Variants in TMPRSS15 observed in about 807,000 individuals in gnomAD.
TMPRSS15 encodes the protein enteropeptidase.
TMPRSS15 carries 128 observed loss-of-function variants against 125.3 expected under a neutral mutation model. That is an observed-to-expected ratio of 1.02 (90% CI 0.89 to 1.18). The LOEUF is 1.18. Among genes scored for constraint, TMPRSS15 ranks in the 50% most tolerant of loss-of-function variants. The pLI is 0.00. For missense variants in TMPRSS15, 1,283 were observed against 1,212.7 expected, an observed-to-expected ratio of 1.06 and a Z score of -0.86; for synonymous variants, 446 against 423.2, an observed-to-expected ratio of 1.05 and a Z score of -0.66.
intron 8 of TMPRSS15, among the ~76,000 whole-genome samples, chr21:18,356,768 T>C (rs953107775): frequency 4.6e-5 from 7 of 151,906 alleles, no homozygotes; most frequent in Admixed American, 2.0e-4. Flanking sequence ...AATATTTGCC[T>C]ATATTGTTTA....
chr21:18,373,004 T>A (rs572412021), intron 5 of TMPRSS15, among the ~76,000 whole-genome samples: 2 of 152,288 alleles, frequency 1.3e-5, no homozygotes, highest in Middle Eastern at 6.8e-3. Context: ...TTAAAAAAAA[T>A]TTTTAGGCCA....
At chr21:18,303,662 T>C (rs536678960) in intron 18 of TMPRSS15, among the ~76,000 whole-genome samples, 36 of 152,148 alleles carry the variant, frequency 2.4e-4, no homozygotes, top group Non-Finnish European at 4.4e-4. Context: ...GACATTGTCT[T>C]GGGTGAAAAC....
chr21:18,480,218 T>C (rs990849474), intron 1 of TMPRSS15, among the ~76,000 whole-genome samples: 2 of 151,918 alleles, frequency 1.3e-5, no homozygotes, highest in African/African-American at 4.8e-5. Context: ...AATAATATGA[T>C]GGCCAGTCAT....
At chr21:18,380,905 G>A (rs539783000) in intron 4 of TMPRSS15, among the ~76,000 whole-genome samples, 4 of 152,060 alleles carry the variant, frequency 2.6e-5, no homozygotes, top group East Asian at 1.9e-4. Flanking sequence ...AACATGATAC[G>A]CCACATCTTG....
Position 18,332,182 on chromosome 21 carries a change from G to A in TMPRSS15, c.1565-9C>T, listed in dbSNP as rs760519704. On this transcript the variant is annotated splice_polypyrimidine_tract_variant and intron_variant, in intron 13 of 24. Coordinates refer to ENST00000284885, the MANE Select transcript of TMPRSS15 (RefSeq NM_002772.3). ...AGGTCCTCCACAGTCCGCTGAAAAG[G>A]AAAGCAATGGGAAATCATCAGTAAT... The A allele has an allele frequency of 6.2e-7, 1 of 1,608,940 alleles. No individual in the cohort carries two copies. The highest frequency in any genetic ancestry group is 1.3e-5 in the African/African-American group (1 of 74,796).
intron 7 of TMPRSS15, among the ~76,000 whole-genome samples, chr21:18,362,094 G>A (rs1430409470): frequency 2.6e-5 from 4 of 152,074 alleles, no homozygotes; most frequent in African/African-American, 7.2e-5. Context: ...GGTAACCACC[G>A]GCAGAGGTAA....
chr21:18,331,045 C>CCA (rs2146968216), intron 14 of TMPRSS15, among the ~76,000 whole-genome samples: 1 of 139,342 alleles, frequency 7.2e-6, no homozygotes, highest in East Asian at 2.1e-4. Context: ...TGCACTCCAG[C>CCA]CTGGGCGACA....
intron 21 of TMPRSS15, among the ~76,000 whole-genome samples, chr21:18,293,719 A>G (rs2074865877): frequency 6.6e-6 from 1 of 152,240 alleles, no homozygotes; most frequent in Admixed American, 6.5e-5. Flanking sequence ...AGAGTCAGAT[A>G]CGGTTGATAT....
chr21:18,300,169 C>T (rs1001312535), intron 18 of TMPRSS15, among the ~76,000 whole-genome samples: 24 of 151,796 alleles, frequency 1.6e-4, no homozygotes, highest in African/African-American at 5.6e-4. Context: ...AGACAGAGCC[C>T]GAAGGGATAC....
At chr21:18,346,208 G>T (rs17002585) in intron 10 of TMPRSS15, among the ~76,000 whole-genome samples, 1,794 of 152,124 alleles carry the variant, frequency 0.012, 24 homozygotes, top group African/African-American at 0.04. Context: ...GTAGAGATTT[G>T]CAGTTTACAT....
intron 16 of TMPRSS15, among the ~76,000 whole-genome samples, chr21:18,318,735 T>C (rs560256346): frequency 6.6e-6 from 1 of 152,214 alleles, no homozygotes; most frequent in Non-Finnish European, 1.5e-5. Context: ...AAAAAGGAGA[T>C]TTGAATTAAA....
intron 1 of TMPRSS15, among the ~76,000 whole-genome samples, chr21:18,457,260 A>G (rs1272344346): frequency 1.3e-5 from 2 of 152,126 alleles, no homozygotes; most frequent in African/African-American, 2.4e-5. Context: ...TTAGACACGA[A>G]AAATGAAAGA....
intron 1 of TMPRSS15, among the ~76,000 whole-genome samples, chr21:18,410,769 G>T (rs1425780378): frequency 6.6e-6 from 1 of 152,064 alleles, no homozygotes; most frequent in Admixed American, 6.6e-5. Flanking sequence ...GGAGAAGGAG[G>T]TTTTAAGCTT....
rs1048825346 is a variant in TMPRSS15 at position 18,317,056 on chromosome 21, T to C, written c.1922-1800A>G. On this transcript the variant is annotated intron_variant, in intron 16 of 24. Transcript: ENST00000284885. ...GGGAAGCTTCTATTTTGAAAACTATTAGTGACTATTAGTCAATATAATAAC... is the reference window on the plus strand; with the variant it reads ...GGGAAGCTTCTATTTTGAAAACTATCAGTGACTATTAGTCAATATAATAAC... Among the ~76,000 whole-genome samples the C allele has an allele frequency of 5.9e-5, 9 of 152,316 alleles. No individual in the cohort carries two copies. The East Asian group carries it at 1.5e-3, about 26-fold the overall frequency.
intron 1 of TMPRSS15, among the ~76,000 whole-genome samples, chr21:18,473,826 C>G (rs2207866): frequency 1 from 152,209 of 152,210 alleles, 76,104 homozygotes; most frequent in Non-Finnish European, 1. Context: ...AAAATACATT[C>G]TTATAATCTC....
At position 18,332,132 on chromosome 21, in the gene TMPRSS15, T is replaced by C. The variant is rs1237789074; in HGVS notation, c.1606A>G (p.Thr536Ala). The change falls in exon 14 of 25, where the codon ACA (threonine) becomes GCA (alanine). Residue 536 changes from threonine to alanine, a missense_variant. Transcript: ENST00000284885. ...GPFELWEPNT[T>A]FSSTNFPNSY... ...TTTGGAAAGTTCGTAGAACTGAATG[T>C]TGTATTTGGCTCCCACAGCTCAAAA... The C allele has an allele frequency of 8.7e-6, 14 of 1,614,022 alleles. No homozygotes were observed. The highest frequency in any genetic ancestry group is 1.1e-5 in the Non-Finnish European group (13 of 1,179,986).
At chr21:18,281,325 G>T (rs912864982) in intron 21 of TMPRSS15, 104 bp from the exon 22 acceptor site, 1 of 989,572 alleles carries the variant, frequency 1.0e-6, no homozygotes, top group Non-Finnish European at 1.6e-6. Context: ...ATCCTGAAAT[G>T]TTCTTTAATT....
At chr21:18,305,183 C>CTTTTT (rs59103494) in intron 18 of TMPRSS15, among the ~76,000 whole-genome samples, 3,062 of 85,940 alleles carry the variant, frequency 0.036, 226 homozygotes, top group African/African-American at 0.053. Context: ...AATTTCCGTA[C>CTTTTT]TTTTTTTTTT....
At chr21:18,331,785 C>T (rs969821592) in intron 14 of TMPRSS15, among the ~76,000 whole-genome samples, 4 of 152,290 alleles carry the variant, frequency 2.6e-5, no homozygotes, top group African/African-American at 9.6e-5. Flanking sequence ...GGTTCTCTCA[C>T]TGTTGTTATT....
Sources: gnomAD v4.1 joint callset for allele counts (sites outside exome capture counted in the v4.1 genomes callset) on GRCh38, gnomAD v4.1.1 for gene constraint, MANE v1.5 for transcripts, NCBI Gene and HGNC (gene_info 2026-07-23, HGNC 2026-07-21) for gene names.